Variants in POC1B observed in about 807,000 individuals in gnomAD.
POC1B encodes the protein POC1 centriolar protein B, also known as POC1 centriolar protein homolog B.
A neutral mutation model predicts 60.6 loss-of-function variants in POC1B; 44 were observed. That is an observed-to-expected ratio of 0.73 (90% confidence interval 0.57 to 0.93). The LOEUF (loss-of-function observed/expected upper bound fraction) is 0.93. POC1B is among the 40% of genes least tolerant of loss of function. POC1B has a pLI of 0.00. For synonymous variants in POC1B, 180 were observed against 198.9 expected (o/e 0.90, Z 0.80); for missense variants, 555 against 572.3 (o/e 0.97, Z 0.31).
chr12:89,430,924 CA>C (rs1398437043), intron 10 of POC1B, among the ~76,000 whole-genome samples: 1 of 152,032 alleles, frequency 6.6e-6, no homozygotes, highest in African/African-American at 2.4e-5. Flanking sequence ...TATTACCCCC[CA>C]AAGTTAAACT....
rs569496904 is a variant in POC1B at position 89,511,709 on chromosome 12, C to CTAAA, written c.100+13407_100+13410dup. On this transcript the variant is annotated intron_variant, in intron 2 of 11. Transcript: ENST00000313546. ...AGAAATCTATGAGAATGAGTTCTTTCTAAATATTTTTAAGAAAAGAAAAAT... is the reference window on the plus strand; with the variant it reads ...AGAAATCTATGAGAATGAGTTCTTTCTAAATAAATATTTTTAAGAAAAGAAAAAT... Among the ~76,000 whole-genome samples, 488 of 152,182 alleles carry CTAAA rather than the reference C, an allele frequency of 3.2e-3. 3 individuals are homozygous for CTAAA. The highest frequency in any genetic ancestry group is 0.011 in the African/African-American group (477 of 41,526).
intron 10 of POC1B, chr12:89,426,063 G>T (rs1367384742): frequency 1.3e-5 from 2 of 152,160 alleles, no homozygotes; most frequent in African/African-American, 4.8e-5. Flanking sequence ...GCCATAAAAA[G>T]GAATGGAATT....
intron 9 of POC1B, among the ~76,000 whole-genome samples, chr12:89,463,018 A>G (rs966109171): frequency 6.6e-6 from 1 of 152,220 alleles, no homozygotes; most frequent in African/African-American, 2.4e-5. Context: ...CCTTATTAGA[A>G]GATTGAGATA....
At chr12:89,407,443 G>A in the POC1B span, among the ~76,000 whole-genome samples, 1 of 152,050 alleles carries the variant, frequency 6.6e-6, no homozygotes, top group Admixed American at 6.6e-5. Context: ...TCACCATGTT[G>A]GCCAGGCTGG....
intron 9 of POC1B, among the ~76,000 whole-genome samples, chr12:89,460,485 G>A (rs1384112982): frequency 1.3e-5 from 2 of 152,134 alleles, no homozygotes; most frequent in Non-Finnish European, 2.9e-5. Context: ...CTATTAGACT[G>A]CAAAAACTAG....
At position 89,520,828 on chromosome 12, in the gene POC1B, A is replaced by C. The variant is rs546335954; in HGVS notation, c.100+4292T>G. 1.0e-3 allele frequency: 152 copies of C among 152,330 alleles called. 1 individual carries two copies. The highest frequency in any genetic ancestry group is 3.5e-3 in the African/African-American group (147 of 41,564). The allele number at this position is 152,330 out of a possible 1,614,324, so 9.4% of individuals were successfully genotyped here. A position where few individuals can be genotyped will look rare whatever the true frequency, so the allele number is the denominator to read the frequency against. ...TTTTCATAAATCTAGGCCAAAGTGA[A>C]CTAATTGAGATTTAATTCTAAATTC... On this transcript the variant is annotated intron_variant, in intron 2 of 11. Coordinates refer to ENST00000313546, the MANE Select transcript of POC1B (RefSeq NM_172240.3).
intron 9 of POC1B, among the ~76,000 whole-genome samples, chr12:89,464,321 G>C (rs568312955): frequency 1.3e-5 from 2 of 152,218 alleles, no homozygotes; most frequent in African/African-American, 2.4e-5. Flanking sequence ...CATTCTGTGT[G>C]AAAGTTTTGA....
chr12:89,435,506 G>C (rs1881218527), intron 10 of POC1B, among the ~76,000 whole-genome samples: 1 of 152,110 alleles, frequency 6.6e-6, no homozygotes, highest in Admixed American at 6.5e-5. Context: ...AATTGCTTAT[G>C]AGTAGAGTAT....
chr12:89,413,101 G>A, the POC1B span, among the ~76,000 whole-genome samples: 1 of 152,310 alleles, frequency 6.6e-6, no homozygotes, highest in Non-Finnish European at 1.5e-5. Flanking sequence ...GTTTCGCCAT[G>A]TTGGCCAGGC....
At chr12:89,401,498 G>A in the POC1B span, among the ~76,000 whole-genome samples, 388 of 139,938 alleles carry the variant, frequency 2.8e-3, 1 homozygote, top group African/African-American at 0.01. Context: ...TTATTCCCAT[G>A]CTTTCCCACG....
At chr12:89,484,019 T>C (rs1471953881) in intron 4 of POC1B, among the ~76,000 whole-genome samples, 1 of 152,228 alleles carries the variant, frequency 6.6e-6, no homozygotes, top group Non-Finnish European at 1.5e-5. Context: ...AATGGAGATA[T>C]AGTTCTATAA....
downstream of POC1B, among the ~76,000 whole-genome samples, chr12:89,418,120 G>T (rs1345798377): frequency 1.3e-5 from 2 of 152,152 alleles, no homozygotes; most frequent in African/African-American, 4.8e-5. Flanking sequence ...GTCAGGGAGT[G>T]AATGGAGGGT....
At chr12:89,477,741 T>C (rs1370402987) in intron 4 of POC1B, among the ~76,000 whole-genome samples, 5 of 152,166 alleles carry the variant, frequency 3.3e-5, no homozygotes, top group Non-Finnish European at 7.3e-5. Flanking sequence ...TAAATCAAAC[T>C]GGGTCATCTT....
chr12:89,478,699 A>C (rs1381002430), intron 4 of POC1B, among the ~76,000 whole-genome samples: 1 of 152,232 alleles, frequency 6.6e-6, no homozygotes, highest in East Asian at 1.9e-4. Context: ...TGTATACATA[A>C]AAATGGTTAA....
chr12:89,471,250 G>A (rs1312720842), intron 6 of POC1B, among the ~76,000 whole-genome samples: 1 of 152,120 alleles, frequency 6.6e-6, no homozygotes, highest in African/African-American at 2.4e-5. Flanking sequence ...GGCATAGTAG[G>A]TAGTTGTTTT....
chr12:89,451,759 ATAAT>A (rs1882052463), intron 10 of POC1B, among the ~76,000 whole-genome samples: 1 of 152,218 alleles, frequency 6.6e-6, no homozygotes, highest in African/African-American at 2.4e-5. Context: ...CTTTCACCAA[ATAAT>A]TAACTGTCAA....
intron 2 of POC1B, chr12:89,502,631 G>T: frequency 7.5e-7 from 1 of 1,330,126 alleles, no homozygotes; most frequent in East Asian, 2.3e-5. Flanking sequence ...CATGGATCTT[G>T]TAAGGCCACA....
downstream of POC1B, among the ~76,000 whole-genome samples, chr12:89,414,925 G>C (rs1880340375): frequency 6.6e-6 from 1 of 152,164 alleles, no homozygotes; most frequent in Admixed American, 6.5e-5. Flanking sequence ...TTAGAGAAAA[G>C]GCAGTAAGCA....
intron 10 of POC1B, among the ~76,000 whole-genome samples, chr12:89,444,452 T>C (rs570486443): frequency 8.5e-5 from 13 of 152,304 alleles, no homozygotes; most frequent in East Asian, 7.7e-4. Context: ...TGGTTCAACA[T>C]ATGCAAATCA....
Sources: allele counts gnomAD v4.1 joint callset (sites outside exome capture counted in the v4.1 genomes callset), GRCh38; gene constraint gnomAD v4.1.1; transcripts MANE v1.5; gene names NCBI Gene and HGNC (gene_info 2026-07-23, HGNC 2026-07-21).